Variants in CNTN5 observed in about 807,000 individuals in gnomAD.
CNTN5 encodes contactin 5, also known as contactin-5.
In CNTN5, 77 loss-of-function variants were observed where a neutral mutation model predicts 129.1. The ratio of observed to expected loss-of-function variants is 0.60; its 90% CI spans 0.50 to 0.72. CNTN5 has a LOEUF of 0.72. Among genes scored for constraint, CNTN5 ranks in the 30% least tolerant of loss-of-function variants. The probability of loss-of-function intolerance (pLI) is 0.00; values close to 1 mark genes in which losing one functional copy is unlikely to be tolerated. For missense variants in CNTN5, 1,478 were observed against 1,328.8 expected, an observed-to-expected ratio of 1.11 and a Z score of -1.75; for synonymous variants, 509 against 465.6, an observed-to-expected ratio of 1.09 and a Z score of -1.20.
intron 9 of CNTN5, among the ~76,000 whole-genome samples, chr11:100,013,514 C>T (rs116547435): frequency 6.6e-6 from 1 of 152,144 alleles, no homozygotes; most frequent in Admixed American, 6.6e-5. Flanking sequence ...TAAAACTAAA[C>T]TTCTACCTTG....
At chr11:99,876,536 G>A (rs953294723) in intron 6 of CNTN5, among the ~76,000 whole-genome samples, 2 of 152,080 alleles carry the variant, frequency 1.3e-5, no homozygotes, top group African/African-American at 4.8e-5. Flanking sequence ...AGTACAGTGG[G>A]GGGTATGGTC....
chr11:99,024,395 A>C (rs1197547966), intron 1 of CNTN5, among the ~76,000 whole-genome samples: 2 of 152,162 alleles, frequency 1.3e-5, no homozygotes, highest in Non-Finnish European at 2.9e-5. Flanking sequence ...GCAATTTTTA[A>C]AGGGAAACAT....
At chr11:99,090,804 C>G (rs1378377064) in intron 1 of CNTN5, among the ~76,000 whole-genome samples, 1 of 150,738 alleles carries the variant, frequency 6.6e-6, no homozygotes, top group Non-Finnish European at 1.5e-5. Context: ...GGGCGGATCA[C>G]GAGGTCAGGA....
chr11:99,766,353 A>G (rs528616385), intron 3 of CNTN5, among the ~76,000 whole-genome samples: 5 of 152,156 alleles, frequency 3.3e-5, no homozygotes, highest in Admixed American at 2.6e-4. Context: ...AGCCCTTTCT[A>G]CTAATGGAGC....
intron 2 of CNTN5, among the ~76,000 whole-genome samples, chr11:99,468,513 A>G (rs1945034199): frequency 6.6e-6 from 1 of 152,180 alleles, no homozygotes; most frequent in Admixed American, 6.5e-5. Context: ...CAACAGCCTT[A>G]CATACACTGG....
intron 2 of CNTN5, among the ~76,000 whole-genome samples, chr11:99,552,581 A>G (rs1948528801): frequency 6.6e-6 from 1 of 152,166 alleles, no homozygotes; most frequent in African/African-American, 2.4e-5. Flanking sequence ...GCAATGATTT[A>G]AAACTCTAAG....
intron 9 of CNTN5, among the ~76,000 whole-genome samples, chr11:100,020,971 A>G (rs576502578): frequency 6.6e-6 from 1 of 152,258 alleles, no homozygotes; most frequent in East Asian, 1.9e-4. Context: ...GAAAGAATTA[A>G]TATTGTTAAA....
At chr11:100,206,670 G>A (rs1330989152) in intron 15 of CNTN5, among the ~76,000 whole-genome samples, 1 of 151,824 alleles carries the variant, frequency 6.6e-6, no homozygotes, top group Non-Finnish European at 1.5e-5. Flanking sequence ...TTTTTTTCGT[G>A]AGGCTGCTTG....
intron 1 of CNTN5, among the ~76,000 whole-genome samples, chr11:99,211,848 A>G (rs553579220): frequency 3.9e-5 from 6 of 152,254 alleles, no homozygotes; most frequent in Admixed American, 3.9e-4. Context: ...TAAAAAAGTT[A>G]TCTTCTGATC....
At chr11:99,063,007 G>A (rs77334602) in intron 1 of CNTN5, among the ~76,000 whole-genome samples, 1,733 of 152,172 alleles carry the variant, frequency 0.011, 14 homozygotes, top group Non-Finnish European at 0.018. Flanking sequence ...AGAATTACAC[G>A]TCAACATCAC....
chr11:99,133,311 A>C (rs1174412996), intron 1 of CNTN5, among the ~76,000 whole-genome samples: 2 of 152,080 alleles, frequency 1.3e-5, no homozygotes, highest in East Asian at 3.9e-4. Flanking sequence ...CCTAGAAGAA[A>C]TTTTGGGCAA....
chr11:100,170,883 T>C (rs1441238462), intron 13 of CNTN5, among the ~76,000 whole-genome samples: 2 of 118,296 alleles, frequency 1.7e-5, no homozygotes, highest in East Asian at 2.6e-4. Context: ...GAAGGTATCC[T>C]GAAACAAAAA....
intron 16 of CNTN5, among the ~76,000 whole-genome samples, chr11:100,227,477 C>T (rs1158862690): frequency 6.6e-6 from 1 of 152,140 alleles, no homozygotes; most frequent in African/African-American, 2.4e-5. Flanking sequence ...TGCTCGTTTG[C>T]ACTTTCTCCT....
chr11:100,268,055 G>A (rs573527882), intron 17 of CNTN5, among the ~76,000 whole-genome samples: 3 of 152,264 alleles, frequency 2.0e-5, no homozygotes, highest in African/African-American at 7.2e-5. Flanking sequence ...AGAATTCAAG[G>A]ATGACTGTAA....
intron 7 of CNTN5, among the ~76,000 whole-genome samples, chr11:99,948,251 A>G (rs929362887): frequency 6.6e-6 from 1 of 152,206 alleles, no homozygotes; most frequent in Non-Finnish European, 1.5e-5. Flanking sequence ...GAGGAATAGT[A>G]TCCTTGTTTG....
chr11:100,041,003 C>T (rs1025489664), intron 9 of CNTN5, among the ~76,000 whole-genome samples: 4 of 152,184 alleles, frequency 2.6e-5, no homozygotes, highest in Non-Finnish European at 5.9e-5. Flanking sequence ...CTCTCTGGCA[C>T]TCCCCAGTGA....
At chr11:99,488,817 A>C (rs1945921304) in intron 2 of CNTN5, among the ~76,000 whole-genome samples, 1 of 152,198 alleles carries the variant, frequency 6.6e-6, no homozygotes, top group Non-Finnish European at 1.5e-5. Flanking sequence ...TTGGAGGATT[A>C]GTCATGTAAT....
chr11:99,857,453 T>C (rs965224613), intron 6 of CNTN5, among the ~76,000 whole-genome samples: 2 of 152,096 alleles, frequency 1.3e-5, no homozygotes, highest in African/African-American at 2.4e-5. Flanking sequence ...TCTTTAACAA[T>C]TGCAATAGAG....
At chr11:99,503,635 C>A (rs952610390) in intron 2 of CNTN5, among the ~76,000 whole-genome samples, 1 of 152,104 alleles carries the variant, frequency 6.6e-6, no homozygotes, top group South Asian at 2.1e-4. Context: ...TACTGAAGGA[C>A]AAAAACCTGG....
Sources: allele counts gnomAD v4.1 joint callset (sites outside exome capture counted in the v4.1 genomes callset), GRCh38; gene constraint gnomAD v4.1.1; transcripts MANE v1.5; gene names NCBI Gene and HGNC (gene_info 2026-07-23, HGNC 2026-07-21).